Variants in ABI3 observed in about 807,000 individuals in gnomAD.
ABI3 encodes the protein ABI gene family member 3.
Under a neutral mutation model 37.0 loss-of-function variants are expected in ABI3, and 24 were observed. The ratio of observed to expected loss-of-function variants is 0.65; its 90% CI spans 0.47 to 0.91. ABI3 has a LOEUF of 0.91. Among genes scored for constraint, ABI3 ranks in the 40% least tolerant of loss-of-function variants. The pLI is 0.00. For synonymous variants in ABI3, 220 were observed against 211.8 expected (o/e 1.04, Z -0.34); for missense variants, 481 against 485.1 (o/e 0.99, Z 0.08).
chr17:49,217,581 T>G (rs954942876), intron 2 of ABI3, among the ~76,000 whole-genome samples, 158 bp from the exon 3 acceptor site: 2 of 130,292 alleles, frequency 1.5e-5, no homozygotes, highest in South Asian at 2.8e-4. Flanking sequence ...CCAATTGCTA[T>G]GTAGCCTGGT....
At chr17:49,215,458 A>G (rs1478953690) in intron 1 of ABI3, among the ~76,000 whole-genome samples, 1 of 151,888 alleles carries the variant, frequency 6.6e-6, no homozygotes, top group Admixed American at 6.6e-5. Flanking sequence ...CCCAGACACC[A>G]ATCTGCAGAC....
At chr17:49,221,332 G>T (rs905437042) in intron 6 of ABI3, among the ~76,000 whole-genome samples, 1 of 151,598 alleles carries the variant, frequency 6.6e-6, no homozygotes, top group African/African-American at 2.4e-5. Context: ...TTAGCCGGGC[G>T]TGGTGGCGGG....
rs1424224856 is a variant in ABI3 at position 49,222,533 on chromosome 17, C to T, written c.938-19C>T. The T allele has an allele frequency of 1.9e-6, 3 of 1,612,072 alleles. No homozygotes were observed. The highest frequency in any genetic ancestry group is 1.1e-5 in the South Asian group (1 of 91,018). On this transcript the variant is annotated intron_variant, in intron 7 of 7. Transcript: ENST00000225941. ...GCAAGAGGCATTATCTCACGGCACC[C>T]TCTTCTCTTGCCCTGCAGTGGTGAC...
chr17:49,216,494 G>T, intron 1 of ABI3, 37 bp from the exon 2 acceptor site: 2 of 1,462,180 alleles, frequency 1.4e-6, no homozygotes, highest in East Asian at 2.6e-5. Flanking sequence ...CCCAGTGGAA[G>T]ATGCTGGCCC....
intron 3 of ABI3, among the ~76,000 whole-genome samples, chr17:49,218,629 GT>G (rs779400176): frequency 6.9e-6 from 1 of 145,490 alleles, no homozygotes; most frequent in Non-Finnish European, 1.5e-5. Flanking sequence ...TTGAGATGGA[GT>G]TTCGCTCTTG....
At chr17:49,218,994 C>G (rs1264079490) in intron 3 of ABI3, among the ~76,000 whole-genome samples, 3 of 152,072 alleles carry the variant, frequency 2.0e-5, no homozygotes, top group African/African-American at 7.3e-5. Context: ...ACACTGTACC[C>G]ACCCCTTGGG....
chr17:49,221,213 G>A (rs868621074), intron 6 of ABI3, among the ~76,000 whole-genome samples: 12 of 151,886 alleles, frequency 7.9e-5, no homozygotes, highest in African/African-American at 1.2e-4. Context: ...GCTCACGCCT[G>A]TAATCCCAGC....
rs751587712 is a variant in ABI3 at position 49,219,952 on chromosome 17, G to A, written c.643G>A (p.Gly215Ser). 3.9e-6 allele frequency: 6 copies of A among 1,544,774 alleles called. 1 individual carries two copies. The African/African-American group carries it at 4.1e-5, about 11-fold the overall frequency. ...ASSAFSLASAGSAEGVGGAPT... is the reference protein window; with the variant it reads ...ASSAFSLASASSAEGVGGAPT... ...CTCTGCGTTTTCCCTGGCCTCGGCC[G>A]GGTGAGACCTACAAGCCCACGTGGG... is the stretch of plus-strand genomic sequence containing the variant. Residue 215 changes from glycine to serine, a missense_variant and splice_region_variant, in exon 5 of 8, where the codon GGC becomes AGC. Physicochemically the swap from Gly to Ser is moderately conservative, Grantham distance 56. Transcript: ENST00000225941. The surrounding 1 kb of genome is among the most constrained non-coding windows in gnomAD (Gnocchi z 4.3).
At chr17:49,215,821 C>T (rs2043212787) in intron 1 of ABI3, among the ~76,000 whole-genome samples, 1 of 147,610 alleles carries the variant, frequency 6.8e-6, no homozygotes, top group Non-Finnish European at 1.5e-5. Flanking sequence ...TTAAAAATGT[C>T]GGCTGGGCAC....
chr17:49,220,895 CTT>C (rs1286148010), intron 6 of ABI3, among the ~76,000 whole-genome samples: 1 of 143,322 alleles, frequency 7.0e-6, no homozygotes, highest in African/African-American at 2.6e-5. Context: ...TAATAATAAA[CTT>C]AATCCTAAGG....
At chr17:49,222,052 C>G in intron 6 of ABI3, 39 bp from the exon 7 acceptor site, 22 of 1,540,872 alleles carry the variant, frequency 1.4e-5, no homozygotes, top group Non-Finnish European at 1.9e-5. Flanking sequence ...GAAGGAGCTT[C>G]CTGTGCCACA....
chr17:49,218,765 G>C (rs1311534456), intron 3 of ABI3, among the ~76,000 whole-genome samples: 1 of 138,464 alleles, frequency 7.2e-6, no homozygotes, highest in Non-Finnish European at 1.5e-5. Flanking sequence ...CACCATGCCC[G>C]GCTAATTTTT....
At position 49,221,665 on chromosome 17, in the gene ABI3, G is replaced by A. The variant is rs533922894; in HGVS notation, c.803-426G>A. On this transcript the variant is annotated intron_variant, in intron 6 of 7. Coordinates refer to ENST00000225941, the MANE Select transcript of ABI3 (RefSeq NM_016428.3). ...CACTTAACTATGTGCTAGCAGCACT[G>A]TGGGAAGACCAGGACAGGAGAGGGC... Among the ~76,000 whole-genome samples the A allele has an allele frequency of 5.3e-5, 8 of 152,300 alleles. No homozygotes were observed. The South Asian group carries it at 1.7e-3, about 32-fold the overall frequency.
chr17:49,212,161 C>A (rs1445778940), intron 1 of ABI3, among the ~76,000 whole-genome samples: 1 of 151,842 alleles, frequency 6.6e-6, no homozygotes. Flanking sequence ...CATATGTAGC[C>A]CAGGCTGGTC....
At position 49,219,562 on chromosome 17, in the gene ABI3, G is replaced by A. The variant is rs1438646967; in HGVS notation, c.485G>A (p.Arg162Lys). 5 of 1,605,478 alleles carry A rather than the reference G, an allele frequency of 3.1e-6. No individual in the cohort carries two copies. Among genetic ancestry groups the A allele is most frequent in the Non-Finnish European group, 4.3e-6 (5 of 1,176,320 alleles). ...GIKDLSTQLS[R>K]TGTLSRKSIK... is the part of the protein sequence containing the mutation. ...CAGGACCTCAGCACGCAGCTGTCAA[G>A]AACAGGCACCCTGTCTCGAAAGAGC... Residue 162 changes from arginine (R) to lysine (K), a missense_variant, in exon 4 of 8, where the codon AGA (arginine) becomes AAA (lysine). Transcript: ENST00000225941. The surrounding 1 kb of genome is among the most constrained non-coding windows in gnomAD (Gnocchi z 4.3).
rs1233001523 is a variant in ABI3 at position 49,219,292 on chromosome 17, A to C, written c.463-248A>C. The stretch of plus-strand genomic sequence containing the variant: ...GGGACAGGGGTGCTGGGCCCACTCA[A>C]CCCGCTGTGGCTGTGCAGAGGAAGT... On this transcript the variant is annotated intron_variant, in intron 3 of 7. Transcript: ENST00000225941. This position sits in a 1 kb window ranked among gnomAD's most constrained non-coding sequence, Gnocchi z 4.3. 6.6e-6 allele frequency among the ~76,000 whole-genome samples: 1 copy of C among 151,760 alleles called. No homozygotes were observed. Among genetic ancestry groups the C allele is most frequent in the Non-Finnish European group, 1.5e-5 (1 of 67,936 alleles).
At chr17:49,217,690 T>A (rs1410914433) in intron 2 of ABI3, 49 bp from the exon 3 acceptor site, 1 of 1,543,874 alleles carries the variant, frequency 6.5e-7, no homozygotes, top group South Asian at 1.2e-5. Context: ...GGGGGAAGGG[T>A]GCTGGACACA....
At chr17:49,214,177 C>T (rs1351198087) in intron 1 of ABI3, among the ~76,000 whole-genome samples, 1 of 152,192 alleles carries the variant, frequency 6.6e-6, no homozygotes, top group East Asian at 1.9e-4. Context: ...TCTCCATTGA[C>T]AGGCCCTGAG....
At chr17:49,214,447 G>A (rs1048573728) in intron 1 of ABI3, among the ~76,000 whole-genome samples, 7 of 152,156 alleles carry the variant, frequency 4.6e-5, no homozygotes, top group Middle Eastern at 3.2e-3. Flanking sequence ...AGTGGCTCAC[G>A]CCTGTAATCC....
Sources: gnomAD v4.1 joint callset for allele counts (sites outside exome capture counted in the v4.1 genomes callset) on GRCh38, gnomAD v4.1.1 for gene constraint, Gnocchi (gnomAD v3.1) non-coding constraint, MANE v1.5 for transcripts, NCBI Gene and HGNC (gene_info 2026-07-23, HGNC 2026-07-21) for gene names.